AK5: variants seen among roughly 807,000 people sequenced by gnomAD.
AK5 encodes the protein adenylate kinase 5, also known as adenylate kinase isoenzyme 5.
AK5 carries 27 observed loss-of-function variants against 69.5 expected under a neutral mutation model. That is an observed-to-expected ratio of 0.39 (90% CI 0.29 to 0.54). The LOEUF (loss-of-function observed/expected upper bound fraction) is 0.54. AK5 is among the 20% of genes least tolerant of loss of function. The probability of loss-of-function intolerance (pLI) is 0.71; values close to 1 mark genes in which losing one functional copy is unlikely to be tolerated. For missense variants in AK5, 531 were observed against 700.4 expected (o/e 0.76, Z 2.73); for synonymous variants, 260 against 244.4 (o/e 1.06, Z -0.60).
chr1:77,313,993 A>G, intron 5 of AK5: 1 of 429,218 alleles, frequency 2.3e-6, no homozygotes, highest in Non-Finnish European at 4.7e-6. Context: ...TGATGGACAA[A>G]GGGGAAGAGG....
chr1:77,329,892 C>G (rs1660997138), intron 5 of AK5, among the ~76,000 whole-genome samples: 1 of 152,212 alleles, frequency 6.6e-6, no homozygotes, highest in Admixed American at 6.5e-5. Flanking sequence ...ACCATAAACT[C>G]TGTCAGCTCT....
chr1:77,327,188 ACCAGCCTGGGCAAAC>A (rs1660847765), intron 5 of AK5, among the ~76,000 whole-genome samples: 1 of 152,126 alleles, frequency 6.6e-6, no homozygotes, highest in Non-Finnish European at 1.5e-5. Context: ...GGAGTTCAAG[ACCAGCCTGGGCAAAC>A]CAGGAAGACC....
chr1:77,383,262 C>T (rs1343029598), intron 6 of AK5, among the ~76,000 whole-genome samples: 3 of 152,106 alleles, frequency 2.0e-5, no homozygotes, highest in Admixed American at 6.5e-5. Context: ...ATATTACACA[C>T]ATTTCCAAAC....
chr1:77,475,407 GTATATATATACTA>G, intron 8 of AK5, among the ~76,000 whole-genome samples: 1 of 1,946 alleles, frequency 5.1e-4, no homozygotes, highest in Admixed American at 0.013. Flanking sequence ...TAATATATAT[GTATATATATACTA>G]TATATTATAT....
At chr1:77,508,598 G>T (rs1283660379) in intron 10 of AK5, among the ~76,000 whole-genome samples, 1 of 152,162 alleles carries the variant, frequency 6.6e-6, no homozygotes, top group Non-Finnish European at 1.5e-5. Flanking sequence ...TGGGCACGGT[G>T]GCTCTCACCT....
intron 6 of AK5, among the ~76,000 whole-genome samples, chr1:77,348,987 TAATC>T (rs1027480559): frequency 5.9e-5 from 9 of 152,176 alleles, no homozygotes; most frequent in African/African-American, 2.2e-4. Context: ...TAATTGGAAT[TAATC>T]AATATCTTTT....
chr1:77,441,186 A>G (rs898650935), intron 8 of AK5, among the ~76,000 whole-genome samples: 5 of 152,138 alleles, frequency 3.3e-5, no homozygotes, highest in African/African-American at 1.2e-4. Context: ...TCTCATTCAT[A>G]TCATGAATTG....
chr1:77,360,642 T>TGTTTG (rs74986889), intron 6 of AK5, among the ~76,000 whole-genome samples: 2 of 152,132 alleles, frequency 1.3e-5, no homozygotes, highest in African/African-American at 4.8e-5. Flanking sequence ...TTTGTGTGCT[T>TGTTTG]GTTTGGTTTG....
chr1:77,314,255 G>A (rs1406395338), intron 5 of AK5: 2 of 210,810 alleles, frequency 9.5e-6, no homozygotes, highest in Non-Finnish European at 1.9e-5. Context: ...ATTTGAACCA[G>A]GCTAAGCAGG....
At chr1:77,417,594 A>G in intron 7 of AK5, 45 bp from the exon 8 acceptor site, 1 of 1,201,566 alleles carries the variant, frequency 8.3e-7, no homozygotes, top group Non-Finnish European at 1.2e-6. Flanking sequence ...TTAGAAACAT[A>G]CATAGACAAC....
chr1:77,485,988 G>A (rs1331891884), intron 9 of AK5, among the ~76,000 whole-genome samples: 3 of 152,046 alleles, frequency 2.0e-5, no homozygotes, highest in African/African-American at 7.2e-5. Flanking sequence ...GTGGTGGCAT[G>A]CCTATAATCC....
At chr1:77,495,739 T>C (rs1174465959) in intron 10 of AK5, among the ~76,000 whole-genome samples, 3 of 152,134 alleles carry the variant, frequency 2.0e-5, no homozygotes, top group Non-Finnish European at 4.4e-5. Context: ...GCTGAGATTT[T>C]CTCTGTGGGT....
At chr1:77,434,352 T>A (rs1651832511) in intron 8 of AK5, among the ~76,000 whole-genome samples, 5 of 152,084 alleles carry the variant, frequency 3.3e-5, no homozygotes, top group Admixed American at 3.3e-4. Flanking sequence ...ATGCTTCCCA[T>A]ACAATTTACT....
chr1:77,454,783 G>A lies in AK5; in HGVS notation c.1060-28534G>A, dbSNP rs758160786. Among the ~76,000 whole-genome samples the A allele has an allele frequency of 7.2e-5, 11 of 151,764 alleles. No homozygotes were observed. In the East Asian group the frequency reaches 9.7e-4, roughly 13 times the overall value. The stretch of plus-strand genomic sequence containing the variant: ...TAGTCTTACACATTTTCTTGAGTGG[G>A]TCTAAGTTGCCATTTAAATGGATAT... On this transcript the variant is annotated intron_variant, in intron 8 of 13. Coordinates refer to ENST00000354567, the MANE Select transcript of AK5 (RefSeq NM_174858.3).
intron 8 of AK5, 196 bp downstream of exon 8, chr1:77,417,911 A>C (rs1182089386): frequency 2.2e-6 from 1 of 456,254 alleles, no homozygotes; most frequent in Non-Finnish European, 3.9e-6. Flanking sequence ...CCCTTGTCCT[A>C]AGATTCAAAA....
At chr1:77,535,144 C>A (rs1266536036) in intron 12 of AK5, among the ~76,000 whole-genome samples, 1 of 152,172 alleles carries the variant, frequency 6.6e-6, no homozygotes, top group Non-Finnish European at 1.5e-5. Context: ...AGCAAGTGTT[C>A]CACAAAACCA....
chr1:77,405,509 G>C (rs1028930955), intron 6 of AK5, among the ~76,000 whole-genome samples: 8 of 152,202 alleles, frequency 5.3e-5, no homozygotes, highest in Non-Finnish European at 1.0e-4. Context: ...TTGAGGGCTG[G>C]ACCTCATCAT....
chr1:77,544,510 A>T (rs1444507349), intron 13 of AK5, among the ~76,000 whole-genome samples: 1 of 151,300 alleles, frequency 6.6e-6, no homozygotes, highest in African/African-American at 2.4e-5. Context: ...TCCTTATTCT[A>T]TGTTTTTTTC....
chr1:77,414,868 A>G (rs772492698), intron 7 of AK5, among the ~76,000 whole-genome samples: 1 of 152,128 alleles, frequency 6.6e-6, no homozygotes, highest in Non-Finnish European at 1.5e-5. Context: ...TTTTGTGTCA[A>G]ACCTTAGAGT....
Sources: gnomAD v4.1 joint callset for allele counts (sites outside exome capture counted in the v4.1 genomes callset) on GRCh38, gnomAD v4.1.1 for gene constraint, MANE v1.5 for transcripts, NCBI Gene and HGNC (gene_info 2026-07-23, HGNC 2026-07-21) for gene names.